ADPRHL1: variants seen among roughly 807,000 people sequenced by gnomAD.
ADPRHL1 encodes ADP-ribosylhydrolase like 1, also known as inactive ADP-ribosyltransferase ARH2.
Under a neutral mutation model 44.1 loss-of-function variants are expected in ADPRHL1, and 43 were observed. That is an observed-to-expected ratio of 0.98 (90% CI 0.76 to 1.26). ADPRHL1 has a LOEUF of 1.26. Ranked by LOEUF, ADPRHL1 falls within the 50% of genes most tolerant of loss-of-function variation. ADPRHL1 has a pLI of 0.00. For synonymous variants in ADPRHL1, 878 were observed against 1,017.4 expected, an observed-to-expected ratio of 0.86 and a Z score of 2.61; for missense variants, 2,022 against 2,496.9, an observed-to-expected ratio of 0.81 and a Z score of 4.05.
At chr13:113,429,238 T>G (rs1268893592) in intron 3 of ADPRHL1, 146 bp from the exon 4 acceptor site, 1 of 1,071,916 alleles carries the variant, frequency 9.3e-7, no homozygotes, top group African/African-American at 1.6e-5. Flanking sequence ...TTCGGCGGCA[T>G]TAACCACGTT....
Position 113,441,487 on chromosome 13 carries a change from G to A in ADPRHL1, c.379+2938C>T, listed in dbSNP as rs892862219. ...CGTTACAGCTGTGGGATGACACTGT[G>A]GCATACACGGTGTGGGAACCTCACC... is the stretch of plus-strand genomic sequence containing the variant. On this transcript the variant is annotated intron_variant, in intron 2 of 7. Coordinates refer to ENST00000612156, the MANE Select transcript of ADPRHL1 (RefSeq NM_001394807.1). The surrounding 1 kb of genome is among the most constrained non-coding windows in gnomAD (Gnocchi z 6.0). Among the ~76,000 whole-genome samples, 15 of 152,222 alleles carry A rather than the reference G, an allele frequency of 9.9e-5. No homozygotes were observed. Among genetic ancestry groups the A allele is most frequent in the African/African-American group, 3.6e-4 (15 of 41,512 alleles).
chr13:113,444,333 G>A (rs1289520154), intron 2 of ADPRHL1, 92 bp downstream of exon 2: 1 of 1,509,042 alleles, frequency 6.6e-7, no homozygotes, highest in Non-Finnish European at 9.0e-7. Flanking sequence ...GAAGCCACCT[G>A]GAGATGCTGG....
At chr13:113,434,972 C>T (rs1376561377) in intron 2 of ADPRHL1, among the ~76,000 whole-genome samples, 8 of 122,530 alleles carry the variant, frequency 6.5e-5, no homozygotes, top group African/African-American at 2.5e-4. Context: ...CCCCGGGACC[C>T]GGCACCCAGG....
chr13:113,430,287 G>C (rs1464258227), intron 3 of ADPRHL1, among the ~76,000 whole-genome samples: 2 of 152,228 alleles, frequency 1.3e-5, no homozygotes, highest in African/African-American at 4.8e-5. Context: ...GGACAGTCCT[G>C]GAAATCCCGT....
chr13:113,410,411 C>T (rs1016737566), intron 7 of ADPRHL1, among the ~76,000 whole-genome samples: 3 of 152,260 alleles, frequency 2.0e-5, no homozygotes, highest in Admixed American at 6.5e-5. Flanking sequence ...GCCGCTGGTC[C>T]GGGGACCCCA....
intron 2 of ADPRHL1, among the ~76,000 whole-genome samples, chr13:113,439,846 A>G (rs1028742093): frequency 2.0e-4 from 31 of 152,182 alleles, no homozygotes; most frequent in African/African-American, 7.2e-4. Flanking sequence ...TTGTCCTTTT[A>G]ATCTAAGTTG....
chr13:113,426,496 G>A (rs1252092014), intron 4 of ADPRHL1, among the ~76,000 whole-genome samples: 1 of 152,264 alleles, frequency 6.6e-6, no homozygotes, highest in African/African-American at 2.4e-5. Context: ...GAGGGCTGCA[G>A]CGGGGAGGCT....
Position 113,406,023 on chromosome 13 carries a change from T to A in ADPRHL1, c.3259A>T (p.Ile1087Phe). 1 of 1,232,116 alleles carries A rather than the reference T, an allele frequency of 8.1e-7. No individual in the cohort carries two copies. Among genetic ancestry groups the A allele is most frequent in the Non-Finnish European group, 1.0e-6 (1 of 988,010 alleles). 76.3% of individuals were successfully genotyped at this position (1,232,116 alleles called of 1,614,324 possible). The change falls in exon 8 of 8, where the codon ATC becomes TTC. Residue 1087 changes from isoleucine (I) to phenylalanine (F), a missense_variant. Coordinates refer to ENST00000612156, the MANE Select transcript of ADPRHL1 (RefSeq NM_001394807.1). ...SSQPLKAAEE[I>F]TSHDVRENPL... is the part of the protein sequence containing the mutation. ...TTCTCGCGAACATCATGGCTGGTGATTTCCTCGGCAGCCTTCAGGGGCTGA... is the reference window on the plus strand; with the variant it reads ...TTCTCGCGAACATCATGGCTGGTGAATTCCTCGGCAGCCTTCAGGGGCTGA...
chr13:113,410,307 C>T (rs2043842718), intron 7 of ADPRHL1, among the ~76,000 whole-genome samples: 1 of 152,154 alleles, frequency 6.6e-6, no homozygotes, highest in Non-Finnish European at 1.5e-5. Flanking sequence ...TTGCTGAGAC[C>T]CGGATTTTGG....
At chr13:113,433,252 G>T (rs1314488977) in intron 3 of ADPRHL1, among the ~76,000 whole-genome samples, 3 of 152,150 alleles carry the variant, frequency 2.0e-5, no homozygotes, top group Non-Finnish European at 2.9e-5. Context: ...CGGGTGGTGG[G>T]GCCAACCCAG....
At position 113,407,811 on chromosome 13, in the gene ADPRHL1, G is replaced by T; in HGVS notation, c.1471C>A (p.Pro491Thr). 5 of 1,231,940 alleles carry T rather than the reference G, an allele frequency of 4.1e-6. No individual in the cohort carries two copies. Among genetic ancestry groups the T allele is most frequent in the Non-Finnish European group, 5.1e-6 (5 of 987,982 alleles). The allele number at this position is 1,231,940 out of a possible 1,614,324, so 76.3% of individuals were successfully genotyped here. Residue 491 changes from proline to threonine, a missense_variant, in exon 8 of 8, where the codon CCC becomes ACC. Pro to Thr is a conservative substitution (Grantham distance 38). Around this residue, in one of 8 missense-constraint regions of ADPRHL1, gnomAD observed 1,221 missense variants for 1,517.8 expected, o/e 0.80. Coordinates refer to ENST00000612156, the MANE Select transcript of ADPRHL1 (RefSeq NM_001394807.1). The part of the protein sequence containing the change: ...PAPKPCLSEK[P>T]RWGHPAGKST... Reference sequence around the variant, plus strand: ...TTCCCGGCCGGGTGGCCCCAGCGGGGCTTCTCGCTGAGGCAGGGCTTTGGG... The same window carrying T: ...TTCCCGGCCGGGTGGCCCCAGCGGGTCTTCTCGCTGAGGCAGGGCTTTGGG...
chr13:113,403,773 C>G lies in ADPRHL1; in HGVS notation c.5509G>C (p.Gly1837Arg). The G allele has an allele frequency of 2.4e-6, 3 of 1,233,306 alleles. No individual in the cohort carries two copies. The highest frequency in any genetic ancestry group is 3.0e-6 in the Non-Finnish European group (3 of 989,206). 76.4% of individuals were successfully genotyped at this position (1,233,306 alleles called of 1,614,324 possible). Residue 1837 changes from glycine to arginine, a missense_variant, in exon 8 of 8, where the codon GGG (glycine) becomes CGG (arginine). Around this residue, in one of 8 missense-constraint regions of ADPRHL1, gnomAD observed 205 missense variants for 250.1 expected, o/e 0.82. Transcript: ENST00000612156. ...EGVDAAGRSG[G>R]SRSPAPRDGG... ...TCCCTGGGGGCTGGGCTTCTGGACC[C>G]CCCACTCCTGCCAGCAGCATCCACT...
chr13:113,403,955 G>T lies in ADPRHL1; in HGVS notation c.5327C>A (p.Ala1776Asp). 1 of 1,308,288 alleles carries T rather than the reference G, an allele frequency of 7.6e-7. No individual in the cohort carries two copies. The highest frequency in any genetic ancestry group is 9.6e-7 in the Non-Finnish European group (1 of 1,038,342). 81.0% of individuals were successfully genotyped at this position (1,308,288 alleles called of 1,614,324 possible). Residue 1776 changes from alanine (A) to aspartate (D), a missense_variant, in exon 8 of 8, where the codon GCT (alanine) becomes GAT (aspartate). Ala to Asp is a moderately radical substitution (Grantham distance 126). Coordinates refer to ENST00000612156, the MANE Select transcript of ADPRHL1 (RefSeq NM_001394807.1). ...KGAQEWARDR[A>D]RDQGWEQTQI... ...GGTCTGCTCCCAGCCCTGATCCCGA[G>T]CCCGATCCCGAGCCCATTCCTGAGC... is the stretch of plus-strand genomic sequence containing the variant.
intron 7 of ADPRHL1, among the ~76,000 whole-genome samples, chr13:113,417,236 G>T (rs1479948322): frequency 6.6e-6 from 1 of 152,186 alleles, no homozygotes; most frequent in Non-Finnish European, 1.5e-5. Context: ...CCCCCAATCT[G>T]CAGGCTGGTC....
chr13:113,409,200 T>G lies in ADPRHL1; in HGVS notation c.1062-980A>C. On this transcript the variant is annotated intron_variant, in intron 7 of 7. Coordinates refer to ENST00000612156, the MANE Select transcript of ADPRHL1 (RefSeq NM_001394807.1). This position sits in a 1 kb window ranked among gnomAD's most constrained non-coding sequence, Gnocchi z 4.2. ...GTCTTTGTGATTTGATGGTGTTTTC[T>G]GAGCCTGGGTCCGGGGTAAGTTCTG... 1 of 702,766 alleles carries G rather than the reference T, an allele frequency of 1.4e-6. No individual in the cohort carries two copies. The highest frequency in any genetic ancestry group is 1.7e-6 in the Non-Finnish European group (1 of 571,876). The allele number at this position is 702,766 out of a possible 1,614,324, so 43.5% of individuals were successfully genotyped here.
Position 113,444,435 on chromosome 13 carries a change from G to C in ADPRHL1, c.369C>G (p.Phe123Leu). The change falls in exon 2 of 8, where the codon TTC (phenylalanine) becomes TTG (leucine). Residue 123 changes from phenylalanine to leucine, a missense_variant. Around this residue, in one of 8 missense-constraint regions of ADPRHL1, gnomAD observed 437 missense variants for 430.7 expected, o/e 1.01. Transcript: ENST00000612156. ...NNYLLAWHTPFNEKGSGFGAA... is the reference protein window; with the variant it reads ...NNYLLAWHTPLNEKGSGFGAA... The stretch of plus-strand genomic sequence containing the variant: ...GAGGATTTCCCTGACCTTTTTCATT[G>C]AACGGTGTGTGCCAGGCGAGAAGGT... 1.2e-6 allele frequency: 2 copies of C among 1,613,872 alleles called. No individual in the cohort carries two copies. The highest frequency in any genetic ancestry group is 1.3e-5 in the African/African-American group (1 of 75,036).
In ADPRHL1 at chr13:113,407,823, G is replaced by A; in HGVS notation, c.1459C>T (p.Leu487Phe). 1 of 1,231,948 alleles carries A rather than the reference G, an allele frequency of 8.1e-7. No homozygotes were observed. The highest frequency in any genetic ancestry group is 1.0e-6 in the Non-Finnish European group (1 of 987,990). The allele number at this position is 1,231,948 out of a possible 1,614,324, so 76.3% of individuals were successfully genotyped here. ...TGGCCCCAGCGGGGCTTCTCGCTGA[G>A]GCAGGGCTTTGGGGCCGGCTCCTTG... ...KTKEPAPKPC[L>F]SEKPRWGHPA... Residue 487 changes from leucine (L) to phenylalanine (F), a missense_variant, in exon 8 of 8, where the codon CTC becomes TTC. Around this residue, in one of 8 missense-constraint regions of ADPRHL1, gnomAD observed 1,221 missense variants for 1,517.8 expected, o/e 0.80. Coordinates refer to ENST00000612156, the MANE Select transcript of ADPRHL1 (RefSeq NM_001394807.1).
intron 7 of ADPRHL1, among the ~76,000 whole-genome samples, chr13:113,420,883 C>A (rs148507267): frequency 2.0e-5 from 3 of 149,290 alleles, no homozygotes; most frequent in Admixed American, 1.3e-4. Context: ...CCCGCCCACC[C>A]CCGGGACCCG....
chr13:113,442,520 G>A (rs2044106285), intron 2 of ADPRHL1, among the ~76,000 whole-genome samples: 5 of 152,146 alleles, frequency 3.3e-5, no homozygotes, highest in Admixed American at 3.3e-4. Flanking sequence ...TAATGATGTG[G>A]CTCCACCGTC....
Sources: allele counts gnomAD v4.1 joint callset (sites outside exome capture counted in the v4.1 genomes callset), GRCh38; gene constraint gnomAD v4.1.1; regional missense constraint gnomAD v4.1.1; non-coding constraint Gnocchi (gnomAD v3.1); transcripts MANE v1.5; gene names NCBI Gene and HGNC (gene_info 2026-07-23, HGNC 2026-07-21).